TRAPPC10: variants seen among roughly 807,000 people sequenced by gnomAD.
The protein encoded by TRAPPC10 is TRAPP 130 kDa subunit.
A neutral mutation model predicts 125.5 loss-of-function variants in TRAPPC10; 23 were observed. The observed-to-expected ratio is 0.18, with a 90% confidence interval of 0.13 to 0.26. TRAPPC10 has a LOEUF of 0.26. Among genes scored for constraint, TRAPPC10 ranks in the 10% least tolerant of loss-of-function variants. TRAPPC10 has a pLI of 1.00. For synonymous variants in TRAPPC10, 509 were observed against 518.0 expected (o/e 0.98, Z 0.24); for missense variants, 1,123 against 1,308.4 (o/e 0.86, Z 2.19).
intron 19 of TRAPPC10, among the ~76,000 whole-genome samples, chr21:44,092,706 C>T (rs1233105105): frequency 6.6e-6 from 1 of 152,030 alleles, no homozygotes; most frequent in African/African-American, 2.4e-5. Context: ...GTGTTCAGCC[C>T]CTGCATTAGG....
At chr21:44,013,008 C>CA (rs2031341813) in intron 1 of TRAPPC10, among the ~76,000 whole-genome samples, 1 of 152,194 alleles carries the variant, frequency 6.6e-6, no homozygotes, top group East Asian at 1.9e-4. Flanking sequence ...GAGTTGCAGG[C>CA]GTTGGCGAAG....
rs1262539739 is a variant in TRAPPC10, at chr21:44,063,461, C to T, written c.791-77C>T. On this transcript the variant is annotated intron_variant, in intron 6 of 22. Coordinates refer to ENST00000291574, the MANE Select transcript of TRAPPC10 (RefSeq NM_003274.5). This position sits in a 1 kb window ranked among gnomAD's most constrained non-coding sequence, Gnocchi z 4.4. ...GTTATGAAGCTGCCTGTTTGCCCAC[C>T]ATCCTCAGCCTGAGCAGGAAGCTCA... The T allele has an allele frequency of 6.4e-7, 1 of 1,557,438 alleles. No homozygotes were observed. The highest frequency in any genetic ancestry group is 1.4e-5 in the African/African-American group (1 of 73,542).
chr21:44,037,821 A>G lies in TRAPPC10; in HGVS notation c.179A>G (p.His60Arg), dbSNP rs772065006. The stretch of plus-strand genomic sequence containing the variant: ...TATGGCCGGGCTCCGAAGATGATTC[A>G]CCTAGAGTCTAACTTTGTTCAATTC... ...RSYGRAPKMI[H>R]LESNFVQFKE... Residue 60 changes from histidine to arginine, a missense_variant, in exon 3 of 23, where the codon CAC becomes CGC. Transcript: ENST00000291574. The G allele has an allele frequency of 1.2e-6, 2 of 1,614,104 alleles. No individual in the cohort carries two copies. Among genetic ancestry groups the G allele is most frequent in the Non-Finnish European group, 1.7e-6 (2 of 1,180,022 alleles).
intron 2 of TRAPPC10, among the ~76,000 whole-genome samples, chr21:44,036,150 A>C (rs1440514480): frequency 6.6e-6 from 1 of 152,234 alleles, no homozygotes; most frequent in Non-Finnish European, 1.5e-5. Context: ...AGCCTAGTGA[A>C]TGTCAAGCAG....
rs910041185 is a variant in TRAPPC10 at position 44,012,465 on chromosome 21, G to A, written c.-29G>A. 7 of 1,429,142 alleles carry A rather than the reference G, an allele frequency of 4.9e-6. No homozygotes were observed. Among genetic ancestry groups the A allele is most frequent in the South Asian group, 1.3e-5 (1 of 76,696 alleles). 88.5% of individuals were successfully genotyped at this position (1,429,142 alleles called of 1,614,324 possible). A position where few individuals can be genotyped will look rare whatever the true frequency, so the allele number is the denominator to read the frequency against. On this transcript the variant is annotated 5_prime_UTR_variant, in exon 1 of 23. Coordinates refer to ENST00000291574, the MANE Select transcript of TRAPPC10 (RefSeq NM_003274.5). Reference sequence around the variant, plus strand: ...GCCTCGGGGCTGCCCATGGGGCGCGGGGGGCCGGGCCGGTGACGCCGGACG... The same window carrying A: ...GCCTCGGGGCTGCCCATGGGGCGCGAGGGGCCGGGCCGGTGACGCCGGACG...
rs769541373 is a variant in TRAPPC10, at chr21:44,055,714, G to A, written c.499G>A (p.Asp167Asn). The change falls in exon 5 of 23, where the codon GAC becomes AAC. Residue 167 changes from aspartate to asparagine, a missense_variant. By Grantham distance (23) the Asp-to-Asn change is conservative. Transcript: ENST00000291574. ...TCTTTGCAGGTGTGTTGTGCTCTCC[G>A]ACCCCTTGAAGGACTCTTCTCGAAC... ...KQSDRCVVLS[D>N]PLKDSSRTQE... is the part of the protein sequence containing the mutation. The A allele has an allele frequency of 5.6e-6, 9 of 1,607,636 alleles. No individual in the cohort carries two copies. Among genetic ancestry groups the A allele is most frequent in the South Asian group, 2.2e-5 (2 of 90,856 alleles).
At chr21:44,046,890 C>A in intron 3 of TRAPPC10, 1 of 816,544 alleles carries the variant, frequency 1.2e-6, no homozygotes. Flanking sequence ...TTGTACACAG[C>A]GGCAGTCGCG....
intron 3 of TRAPPC10, among the ~76,000 whole-genome samples, chr21:44,050,812 T>G (rs1481844835): frequency 6.6e-6 from 1 of 152,266 alleles, no homozygotes. Flanking sequence ...CATAGCAGTT[T>G]TTAAAATCAG....
intron 20 of TRAPPC10, among the ~76,000 whole-genome samples, chr21:44,095,388 G>A (rs1317949262): frequency 6.6e-6 from 1 of 151,894 alleles, no homozygotes; most frequent in Non-Finnish European, 1.5e-5. Context: ...TGGGATTACA[G>A]GCATGCACCA....
At chr21:44,018,785 A>C (rs193252037) in intron 1 of TRAPPC10, among the ~76,000 whole-genome samples, 1 of 152,242 alleles carries the variant, frequency 6.6e-6, no homozygotes, top group Admixed American at 6.5e-5. Context: ...AGGCCTGCCA[A>C]CTGACAGTGT....
intron 20 of TRAPPC10, among the ~76,000 whole-genome samples, chr21:44,094,702 T>G (rs1427527559): frequency 6.6e-6 from 1 of 152,184 alleles, no homozygotes; most frequent in Non-Finnish European, 1.5e-5. Flanking sequence ...AGAAGCCAAT[T>G]TGAGTGTGGA....
chr21:44,047,532 A>ATATGTGTGTGTGTGTGTGTGTGTGTGTG (rs1491372579), intron 3 of TRAPPC10, among the ~76,000 whole-genome samples: 1 of 142,924 alleles, frequency 7.0e-6, no homozygotes, highest in African/African-American at 2.7e-5. Context: ...CTGGGGGAGT[A>ATATGTGTGTGTGTGTGTGTGTGTGTGTG]TGTGTGTGTG....
rs371788861 is a variant in TRAPPC10, at chr21:44,060,875, A to G, written c.790+1661A>G. Among the ~76,000 whole-genome samples, 175 of 150,314 alleles carry G rather than the reference A, an allele frequency of 1.2e-3. 2 individuals are homozygous for G. In the East Asian group the frequency reaches 0.022, roughly 19 times the overall value. On this transcript the variant is annotated intron_variant, in intron 6 of 22. Coordinates refer to ENST00000291574, the MANE Select transcript of TRAPPC10 (RefSeq NM_003274.5). ...CTCGGCTTCCCAAAGTGCTGGGATTATAGTTGTGAGCCACCATGCCCAGCC... is the reference window on the plus strand; with the variant it reads ...CTCGGCTTCCCAAAGTGCTGGGATTGTAGTTGTGAGCCACCATGCCCAGCC...
At position 44,089,890 on chromosome 21, in the gene TRAPPC10, G is replaced by A. The variant is rs146810291; in HGVS notation, c.2827G>A (p.Val943Ile). The change falls in exon 18 of 23, where the codon GTA becomes ATA. Residue 943 changes from valine to isoleucine, a missense_variant. Around this residue, in one of 4 missense-constraint regions of TRAPPC10, gnomAD observed 840 missense variants for 902.0 expected, o/e 0.93. Transcript: ENST00000291574. ...YSTVIALTFS[V>I]PFRTTHSLLS... ...CACAGTCATCGCACTGACCTTCAGC[G>A]TACCCTTCAGGACCACACACAGCCT... 116 of 1,613,764 alleles carry A rather than the reference G, an allele frequency of 7.2e-5. No homozygotes were observed. The highest frequency in any genetic ancestry group is 1.9e-4 in the African/African-American group (14 of 74,992).
At chr21:44,021,268 A>G (rs1016910505) in intron 1 of TRAPPC10, among the ~76,000 whole-genome samples, 2 of 152,132 alleles carry the variant, frequency 1.3e-5, no homozygotes, top group Non-Finnish European at 2.9e-5. Context: ...AGGACCTATT[A>G]CATGCCAGTT....
intron 18 of TRAPPC10, 46 bp downstream of exon 18, chr21:44,089,979 C>G (rs762205471): frequency 6.9e-7 from 1 of 1,459,072 alleles, no homozygotes; most frequent in Non-Finnish European, 9.6e-7. Flanking sequence ...TCCCCAGACT[C>G]TTCTAAGTGG....
Position 44,085,833 on chromosome 21 carries a change from A to G in TRAPPC10, c.2381-969A>G, listed in dbSNP as rs987482067. Among the ~76,000 whole-genome samples the G allele has an allele frequency of 3.9e-4, 59 of 152,256 alleles. 2 individuals are homozygous for G. The highest frequency in any genetic ancestry group is 1.4e-3 in the African/African-American group (56 of 41,462). On this transcript the variant is annotated intron_variant, in intron 15 of 22. Transcript: ENST00000291574. ...AAAATTGGAAGGAGTTGCTATAAAC[A>G]AATGATTGAAGAACATGTGGCAGCT...
intron 1 of TRAPPC10, among the ~76,000 whole-genome samples, chr21:44,019,809 C>T (rs991774965): frequency 5.3e-5 from 8 of 152,158 alleles, no homozygotes; most frequent in Non-Finnish European, 8.8e-5. Context: ...GCGCAGTGGC[C>T]GGCATTCATC....
chr21:44,024,012 C>T (rs1475881406), intron 1 of TRAPPC10, among the ~76,000 whole-genome samples: 1 of 152,142 alleles, frequency 6.6e-6, no homozygotes, highest in East Asian at 1.9e-4. Context: ...TCTCAAATTC[C>T]CGACCTCAGG....
Sources: gnomAD v4.1 joint callset for allele counts (sites outside exome capture counted in the v4.1 genomes callset) on GRCh38, gnomAD v4.1.1 for gene constraint, gnomAD v4.1.1 regional missense constraint, Gnocchi (gnomAD v3.1) non-coding constraint, MANE v1.5 for transcripts, NCBI Gene and HGNC (gene_info 2026-07-23, HGNC 2026-07-21) for gene names.